FBN1: variants seen among roughly 807,000 people sequenced by gnomAD.
FBN1 encodes the protein fibrillin-1.
In FBN1, 29 loss-of-function variants were observed where a neutral mutation model predicts 365.1. The ratio of observed to expected loss-of-function variants is 0.08; its 90% confidence interval spans 0.06 to 0.11. The LOEUF is 0.11. FBN1 is among the 10% of genes least tolerant of loss of function. The pLI is 1.00. For missense variants in FBN1, 2,476 were observed against 3,703.2 expected, an observed-to-expected ratio of 0.67 and a Z score of 8.60; for synonymous variants, 1,210 against 1,270.5, an observed-to-expected ratio of 0.95 and a Z score of 1.01.
chr15:48,428,386 A>T lies in FBN1; in HGVS notation c.6957T>A (p.Asn2319Lys). Residue 2319 changes from asparagine (N) to lysine (K), a missense_variant, in exon 57 of 66, where the codon AAT becomes AAA. This residue lies in a region of FBN1 where 1,780 missense variants were observed against 2,840.8 expected (regional missense o/e 0.63). Transcript: ENST00000316623. ...GGTTGGGGCTGGCGGTAAACCCATC[A>T]TTACACTCACAGGTGTAGCTCCCAC... ...NTRGSYTCEC[N>K]DGFTASPNQD... 1 of 1,614,112 alleles carries T rather than the reference A, an allele frequency of 6.2e-7. No individual in the cohort carries two copies. Among genetic ancestry groups the T allele is most frequent in the East Asian group, 2.2e-5 (1 of 44,874 alleles).
At chr15:48,509,033 TA>T (rs1351535153) in intron 14 of FBN1, among the ~76,000 whole-genome samples, 1 of 152,202 alleles carries the variant, frequency 6.6e-6, no homozygotes, top group African/African-American at 2.4e-5. Context: ...GCTAATAGCC[TA>T]GTGGGTATAT....
intron 2 of FBN1, among the ~76,000 whole-genome samples, 193 bp from the exon 3 acceptor site, chr15:48,613,285 C>T (rs954910417): frequency 1.2e-4 from 19 of 152,146 alleles, no homozygotes; most frequent in Non-Finnish European, 2.6e-4. Flanking sequence ...CAGGGACATC[C>T]CTTAATATCA....
At chr15:48,510,194 A>G (rs1362363451) in intron 13 of FBN1, 25 bp from the exon 14 acceptor site, 1 of 1,610,908 alleles carries the variant, frequency 6.2e-7, no homozygotes, top group Non-Finnish European at 8.5e-7. Flanking sequence ...TAAAAAGAAG[A>G]AATAGCTTTA....
intron 24 of FBN1, among the ~76,000 whole-genome samples, 175 bp from the exon 25 acceptor site, chr15:48,490,253 C>T (rs1451449344): frequency 6.6e-6 from 1 of 152,102 alleles, no homozygotes; most frequent in Non-Finnish European, 1.5e-5. Flanking sequence ...GTATCCTTGC[C>T]TAATAAAGAC....
intron 6 of FBN1, among the ~76,000 whole-genome samples, chr15:48,590,063 T>G (rs1010435547): frequency 1.8e-4 from 28 of 152,198 alleles, no homozygotes; most frequent in African/African-American, 6.8e-4. Flanking sequence ...CAAAGGCACA[T>G]GGAGAATGGG....
intron 6 of FBN1, among the ~76,000 whole-genome samples, chr15:48,545,328 G>C (rs1342563409): frequency 6.6e-6 from 1 of 152,156 alleles, no homozygotes; most frequent in African/African-American, 2.4e-5. Flanking sequence ...TTAAGTTCAT[G>C]AAGAATCCTA....
At position 48,470,823 on chromosome 15, in the gene FBN1, T is replaced by A. The variant is rs544311678; in HGVS notation, c.4337-67A>T. The A allele has an allele frequency of 2.0e-6, 3 of 1,524,646 alleles. No individual in the cohort carries two copies. In the Admixed American group the frequency reaches 5.7e-5, roughly 29 times the overall value. The allele number at this position is 1,524,646 out of a possible 1,614,324, so 94.4% of individuals were successfully genotyped here. ...TTTTCTAAAAAAAACCTGCCAAATA[T>A]AATTAGGCAACTAATGTAAATACTA... is the stretch of plus-strand genomic sequence containing the variant. On this transcript the variant is annotated intron_variant, in intron 35 of 65. Transcript: ENST00000316623.
Position 48,448,759 on chromosome 15 carries a change from C to T in FBN1, c.5671+9G>A. The T allele has an allele frequency of 1.2e-6, 2 of 1,611,092 alleles. No homozygotes were observed. Among genetic ancestry groups the T allele is most frequent in the South Asian group, 1.1e-5 (1 of 90,928 alleles). On this transcript the variant is annotated intron_variant, in intron 46 of 65. Coordinates refer to ENST00000316623, the MANE Select transcript of FBN1 (RefSeq NM_000138.5). ...CATATGAAAAAAATAATAATAATTG[C>T]ATACTTACCCAAGCACATGGTTTGG... is the stretch of plus-strand genomic sequence containing the variant.
chr15:48,579,759 A>G (rs1401392534), intron 6 of FBN1, among the ~76,000 whole-genome samples: 3 of 152,210 alleles, frequency 2.0e-5, no homozygotes, highest in African/African-American at 7.2e-5. Flanking sequence ...TGTCCTAAGA[A>G]GGGCTCTTAA....
At chr15:48,528,596 C>A (rs2043937785) in intron 8 of FBN1, among the ~76,000 whole-genome samples, 2 of 152,182 alleles carry the variant, frequency 1.3e-5, no homozygotes, top group Admixed American at 1.3e-4. Flanking sequence ...AAGTCTCCAA[C>A]TGGCAGGGGT....
In FBN1 at chr15:48,430,729, T is replaced by G; in HGVS notation, c.6813A>C (p.Thr2271=). The G allele has an allele frequency of 4.3e-6, 7 of 1,613,962 alleles. No individual in the cohort carries two copies. The highest frequency in any genetic ancestry group is 5.1e-6 in the Non-Finnish European group (6 of 1,179,878). ...KQMECKNLIG[T]YMCICGPGYQ... Reference sequence around the variant, plus strand: ...ACCCGGGTCCACAGATGCACATATATGTGCCAATGAGGTTCTTGCATTCCA... The same window carrying G: ...ACCCGGGTCCACAGATGCACATATAGGTGCCAATGAGGTTCTTGCATTCCA... The change falls in exon 56 of 66, where the codon ACA becomes ACC. Residue 2271 remains threonine (T), a synonymous_variant. Transcript: ENST00000316623.
intron 9 of FBN1, among the ~76,000 whole-genome samples, chr15:48,525,871 C>T (rs2043907280): frequency 6.6e-6 from 1 of 152,126 alleles, no homozygotes; most frequent in Admixed American, 6.5e-5. Flanking sequence ...TGCACGACTG[C>T]AACATTAATT....
chr15:48,571,194 A>G (rs1183732056), intron 6 of FBN1, among the ~76,000 whole-genome samples: 4 of 152,214 alleles, frequency 2.6e-5, no homozygotes, highest in Non-Finnish European at 5.9e-5. Context: ...ACACTCCTAC[A>G]AAGAGTCAGG....
intron 65 of FBN1, 34 bp from the exon 66 acceptor site, chr15:48,411,413 T>G (rs199598298): frequency 1.2e-6 from 2 of 1,600,760 alleles, no homozygotes; most frequent in South Asian, 2.2e-5. Flanking sequence ...TTAAATACAA[T>G]GTACATATGC....
intron 9 of FBN1, 144 bp from the exon 10 acceptor site, chr15:48,520,961 G>A (rs886072106): frequency 2.3e-5 from 25 of 1,107,402 alleles, no homozygotes; most frequent in Middle Eastern, 4.9e-4. Flanking sequence ...GGGAAGCTGC[G>A]AGCGCTGCAC....
chr15:48,603,467 C>T (rs1424216064), intron 4 of FBN1, among the ~76,000 whole-genome samples: 3 of 152,186 alleles, frequency 2.0e-5, no homozygotes, highest in Non-Finnish European at 4.4e-5. Flanking sequence ...AGTGAAAGAA[C>T]TAGATACGTA....
In FBN1 at chr15:48,590,235, A is replaced by C. The variant is rs191611950; in HGVS notation, c.538+6048T>G. ...TATTAATACCTTCCTGAAAAACACC[A>C]GGAGAAAAAAAGCACAGGAAAATCA... On this transcript the variant is annotated intron_variant, in intron 6 of 65. Transcript: ENST00000316623. 1.2e-3 allele frequency among the ~76,000 whole-genome samples: 183 copies of C among 152,340 alleles called. 2 individuals carry two copies. The highest frequency in any genetic ancestry group is 4.2e-3 in the African/African-American group (174 of 41,578).
At chr15:48,470,368 C>G (rs2043361511) in intron 36 of FBN1, among the ~76,000 whole-genome samples, 1 of 152,198 alleles carries the variant, frequency 6.6e-6, no homozygotes, top group African/African-American at 2.4e-5. Context: ...AGCTACACCA[C>G]TAGAGCACCC....
At chr15:48,500,996 T>C (rs557747937) in intron 17 of FBN1, among the ~76,000 whole-genome samples, 2 of 152,336 alleles carry the variant, frequency 1.3e-5, no homozygotes, top group South Asian at 4.1e-4. Flanking sequence ...TATCCTACAT[T>C]CGGATGGTTC....
Sources: gnomAD v4.1 joint callset for allele counts (sites outside exome capture counted in the v4.1 genomes callset) on GRCh38, gnomAD v4.1.1 for gene constraint, gnomAD v4.1.1 regional missense constraint, MANE v1.5 for transcripts, NCBI Gene and HGNC (gene_info 2026-07-23, HGNC 2026-07-21) for gene names.